EFCAB6: variants seen among roughly 807,000 people sequenced by gnomAD.
EFCAB6 encodes EF-hand calcium binding domain 6.
In EFCAB6, 156 loss-of-function variants were observed where a neutral mutation model predicts 169.8. The observed-to-expected ratio is 0.92, with a 90% CI of 0.81 to 1.05. The LOEUF is 1.05. Ranked by LOEUF, EFCAB6 falls within the 50% of genes least tolerant of loss-of-function variation. EFCAB6 has a pLI of 0.00. For synonymous variants in EFCAB6, 698 were observed against 676.4 expected (o/e 1.03, Z -0.50); for missense variants, 1,800 against 1,829.1 (o/e 0.98, Z 0.29).
chr22:43,567,913 T>C (rs549223803), intron 26 of EFCAB6, among the ~76,000 whole-genome samples: 2 of 152,302 alleles, frequency 1.3e-5, no homozygotes, highest in Admixed American at 6.5e-5. Context: ...TCCGAAGCCA[T>C]GCTCCTCCGA....
intron 26 of EFCAB6, among the ~76,000 whole-genome samples, chr22:43,567,085 T>G (rs866297323): frequency 1.5e-4 from 23 of 151,520 alleles, no homozygotes; most frequent in African/African-American, 5.1e-4. Context: ...TGCCCATCCT[T>G]CCCCCACTCA....
intron 17 of EFCAB6, among the ~76,000 whole-genome samples, chr22:43,655,480 A>G (rs1602998612): frequency 6.6e-6 from 1 of 151,574 alleles, no homozygotes; most frequent in African/African-American, 2.4e-5. Flanking sequence ...AAGCTAATAG[A>G]CAGGAAAATG....
At chr22:43,790,848 G>A (rs1249005417) in intron 2 of EFCAB6, among the ~76,000 whole-genome samples, 1 of 152,200 alleles carries the variant, frequency 6.6e-6, no homozygotes, top group Non-Finnish European at 1.5e-5. Flanking sequence ...GTATTGAGAA[G>A]TGATCAGATT....
chr22:43,549,720 G>C (rs985083853), intron 27 of EFCAB6, among the ~76,000 whole-genome samples: 1 of 152,140 alleles, frequency 6.6e-6, no homozygotes, highest in Non-Finnish European at 1.5e-5. Flanking sequence ...AGCCAGACAA[G>C]ACAGGATGAG....
At chr22:43,591,034 G>A (rs1331422988) in intron 23 of EFCAB6, among the ~76,000 whole-genome samples, 1 of 151,960 alleles carries the variant, frequency 6.6e-6, no homozygotes, top group Non-Finnish European at 1.5e-5. Context: ...CATGTGGTGT[G>A]CATCAGTGGA....
At position 43,555,069 on chromosome 22, in the gene EFCAB6, G is replaced by C. The variant is rs34344550; in HGVS notation, c.3448C>G (p.Pro1150Ala). 1 of 1,614,226 alleles carries C rather than the reference G, an allele frequency of 6.2e-7. No homozygotes were observed. Among genetic ancestry groups the C allele is most frequent in the Non-Finnish European group, 8.5e-7 (1 of 1,180,044 alleles). ...GGAGAGGTAGGCGGCGGGCCTTTGG[G>C]CATTTTCTCAGCCCACTCATCAGCT... The part of the protein sequence containing the change: ...ETADEWAEKM[P>A]KGPPPTSPKA... The change falls in exon 27 of 32, where the codon CCC becomes GCC. Residue 1150 changes from proline (P) to alanine (A), a missense_variant. Physicochemically the swap from Pro to Ala is conservative, Grantham distance 27 (BLOSUM62 -1). Coordinates refer to ENST00000262726, the MANE Select transcript of EFCAB6 (RefSeq NM_022785.4).
chr22:43,807,819 A>G (rs1380161865), intron 2 of EFCAB6, among the ~76,000 whole-genome samples: 1 of 152,240 alleles, frequency 6.6e-6, no homozygotes, highest in Non-Finnish European at 1.5e-5. Context: ...TTTGGGACAT[A>G]TCAACTATCA....
At chr22:43,610,940 G>A (rs2053256565) in intron 21 of EFCAB6, among the ~76,000 whole-genome samples, 1 of 152,174 alleles carries the variant, frequency 6.6e-6, no homozygotes. Context: ...AAACTGGAGA[G>A]ACAGACAGGT....
At chr22:43,621,524 A>C (rs2054114013) in intron 20 of EFCAB6, among the ~76,000 whole-genome samples, 4 of 152,204 alleles carry the variant, frequency 2.6e-5, no homozygotes, top group Admixed American at 2.0e-4. Context: ...AAACTACAAC[A>C]TATCCAAATT....
At chr22:43,712,920 G>A (rs933816671) in intron 9 of EFCAB6, among the ~76,000 whole-genome samples, 6 of 151,942 alleles carry the variant, frequency 3.9e-5, no homozygotes, top group African/African-American at 1.5e-4. Flanking sequence ...TGTTTATATA[G>A]AAAGTACAAG....
chr22:43,712,071 T>A (rs897192502), intron 9 of EFCAB6, among the ~76,000 whole-genome samples: 2 of 152,232 alleles, frequency 1.3e-5, no homozygotes, highest in African/African-American at 4.8e-5. Flanking sequence ...ATTATTAATA[T>A]AAGGACTGCA....
intron 2 of EFCAB6, among the ~76,000 whole-genome samples, chr22:43,785,758 G>A (rs754139121): frequency 1.3e-5 from 2 of 151,968 alleles, no homozygotes; most frequent in African/African-American, 2.4e-5. Context: ...AGCTAGACCA[G>A]CCAAAAACAA....
chr22:43,658,809 A>G (rs1197852050), intron 17 of EFCAB6, among the ~76,000 whole-genome samples: 2 of 152,180 alleles, frequency 1.3e-5, no homozygotes, highest in Non-Finnish European at 2.9e-5. Flanking sequence ...CCTCCAATAC[A>G]AAGCTGGTCA....
intron 28 of EFCAB6, among the ~76,000 whole-genome samples, chr22:43,538,409 A>C (rs752558800): frequency 1.3e-5 from 2 of 151,956 alleles, no homozygotes; most frequent in Non-Finnish European, 2.9e-5. Flanking sequence ...TTTTGTTTTG[A>C]AATGGAGTCT....
At chr22:43,746,471 T>G (rs1039178707) in intron 6 of EFCAB6, among the ~76,000 whole-genome samples, 1 of 152,238 alleles carries the variant, frequency 6.6e-6, no homozygotes, top group Non-Finnish European at 1.5e-5. Flanking sequence ...ACAGGCCATG[T>G]AAACCTTCCC....
chr22:43,710,236 G>A (rs566390485), intron 10 of EFCAB6, among the ~76,000 whole-genome samples: 7 of 152,172 alleles, frequency 4.6e-5, no homozygotes, highest in African/African-American at 7.2e-5. Context: ...CCCAGGCAAG[G>A]GATGTACAAG....
At chr22:43,653,756 C>T (rs901236326) in intron 17 of EFCAB6, among the ~76,000 whole-genome samples, 3 of 151,956 alleles carry the variant, frequency 2.0e-5, no homozygotes, top group Admixed American at 6.6e-5. Context: ...TGAGAGGGAG[C>T]GATTTCTAGT....
intron 2 of EFCAB6, chr22:43,802,918 T>G (rs2062778784): frequency 4.0e-6 from 1 of 252,910 alleles, no homozygotes; most frequent in African/African-American, 2.3e-5. Context: ...GGAAGGAGCC[T>G]ATGTCACTAA....
chr22:43,575,567 T>C (rs1401824050), intron 26 of EFCAB6, among the ~76,000 whole-genome samples: 1 of 151,934 alleles, frequency 6.6e-6, no homozygotes, highest in African/African-American at 2.4e-5. Flanking sequence ...TAAAATGCAT[T>C]ACTATAAGAA....
Sources: gnomAD v4.1 joint callset for allele counts (sites outside exome capture counted in the v4.1 genomes callset) on GRCh38, gnomAD v4.1.1 for gene constraint, MANE v1.5 for transcripts, NCBI Gene and HGNC (gene_info 2026-07-23, HGNC 2026-07-21) for gene names.